EGF: variants seen among roughly 807,000 people sequenced by gnomAD.
The protein encoded by EGF is epidermal growth factor.
A neutral mutation model predicts 143.8 loss-of-function variants in EGF; 95 were observed. The observed-to-expected ratio is 0.66, with a 90% CI of 0.56 to 0.78. EGF has a LOEUF of 0.78. Ranked by LOEUF, EGF falls within the 30% of genes least tolerant of loss-of-function variation. The probability of loss-of-function intolerance (pLI) is 0.00; values close to 1 mark genes in which losing one functional copy is unlikely to be tolerated. For synonymous variants in EGF, 510 were observed against 510.5 expected (o/e 1.00, Z 0.01); for missense variants, 1,320 against 1,470.9 (o/e 0.90, Z 1.68).
chr4:109,945,104 G>C lies in EGF; in HGVS notation c.769G>C (p.Asp257His), dbSNP rs11568911. 9.9e-4 allele frequency: 1,605 copies of C among 1,613,982 alleles called. 12 individuals carry two copies. The African/African-American group carries it at 0.019, about 19-fold the overall frequency. ...TTTGTTTGCAATGTCCCTTTTTGGT[G>C]ACCGTATCTTCTATTCAACATGGAA... ...HNLFAMSLFG[D>H]RIFYSTWKMK... Residue 257 changes from aspartate to histidine, a missense_variant, in exon 5 of 24, where the codon GAC becomes CAC. Physicochemically the swap from Asp to His is moderately conservative, Grantham distance 81. Transcript: ENST00000265171.
At chr4:109,993,407 T>C (rs775217431) in intron 19 of EGF, 38 bp downstream of exon 19, 1 of 1,611,620 alleles carries the variant, frequency 6.2e-7, no homozygotes. Flanking sequence ...GGGGAGGGAC[T>C]TGGCTCGGGG....
At chr4:110,008,346 G>C in intron 23 of EGF, 116 bp downstream of exon 23, 1 of 1,291,344 alleles carries the variant, frequency 7.7e-7, no homozygotes, top group South Asian at 1.3e-5. Flanking sequence ...TAACTAAATT[G>C]TATAAGCTAT....
At chr4:109,976,839 G>T (rs1370635590) in intron 13 of EGF, among the ~76,000 whole-genome samples, 1 of 152,194 alleles carries the variant, frequency 6.6e-6, no homozygotes, top group Non-Finnish European at 1.5e-5. Flanking sequence ...TTATAAGCCT[G>T]CAAAAATTGG....
chr4:109,993,413 C>CG (rs1751319430), intron 19 of EGF, 44 bp downstream of exon 19: 1 of 1,610,514 alleles, frequency 6.2e-7, no homozygotes. Context: ...GGACTTGGCT[C>CG]GGGGATATTC....
At chr4:109,933,044 G>A (rs1579496470) in intron 1 of EGF, among the ~76,000 whole-genome samples, 3 of 152,282 alleles carry the variant, frequency 2.0e-5, no homozygotes, top group South Asian at 2.1e-4. Context: ...AATGGCAAAC[G>A]ATATACATGT....
intron 13 of EGF, among the ~76,000 whole-genome samples, chr4:109,979,615 T>C (rs950063689): frequency 6.6e-6 from 1 of 152,172 alleles, no homozygotes; most frequent in Non-Finnish European, 1.5e-5. Context: ...TAAGATAAGT[T>C]ACTCGAGTTT....
intron 11 of EGF, among the ~76,000 whole-genome samples, chr4:109,971,403 T>A (rs182538650): frequency 2.6e-5 from 4 of 152,340 alleles, no homozygotes; most frequent in Admixed American, 2.0e-4. Flanking sequence ...ATGGTTGTTC[T>A]CAGGAGGGTA....
chr4:109,978,654 T>G (rs11569002), intron 13 of EGF, among the ~76,000 whole-genome samples: 2 of 152,198 alleles, frequency 1.3e-5, no homozygotes, highest in Admixed American at 1.3e-4. Context: ...TTCTGGAGAT[T>G]GGTTGTACAA....
intron 7 of EGF, 88 bp from the exon 8 acceptor site, chr4:109,961,775 G>T (rs1244438530): frequency 2.6e-6 from 4 of 1,562,256 alleles, no homozygotes; most frequent in Non-Finnish European, 2.6e-6. Context: ...AAGGCAGGAG[G>T]ATCACCTGGC....
At chr4:109,999,175 A>C (rs11569094) in intron 20 of EGF, among the ~76,000 whole-genome samples, 3,318 of 152,110 alleles carry the variant, frequency 0.022, 127 homozygotes, top group African/African-American at 0.076. Context: ...AAAGGAAAAA[A>C]GTTTTCTCTG....
At chr4:109,983,364 A>T in intron 15 of EGF, 58 bp from the exon 16 acceptor site, 1 of 1,589,480 alleles carries the variant, frequency 6.3e-7, no homozygotes, top group Non-Finnish European at 8.6e-7. Flanking sequence ...AAATGAAATC[A>T]AACTTTTTTT....
At chr4:109,915,343 C>G (rs1014020677) in intron 1 of EGF, among the ~76,000 whole-genome samples, 2 of 152,188 alleles carry the variant, frequency 1.3e-5, no homozygotes, top group African/African-American at 4.8e-5. Flanking sequence ...CATGAGATAA[C>G]CTAGCATGTA....
chr4:109,995,005 A>G (rs1047813837), intron 20 of EGF, 125 bp downstream of exon 20: 12 of 1,206,314 alleles, frequency 9.9e-6, no homozygotes, highest in African/African-American at 3.0e-5. Context: ...AAAAATATAA[A>G]CATACACATA....
At chr4:109,935,987 G>A (rs1200293085) in intron 1 of EGF, among the ~76,000 whole-genome samples, 2 of 152,146 alleles carry the variant, frequency 1.3e-5, no homozygotes, top group Non-Finnish European at 2.9e-5. Context: ...GTTCATCAGG[G>A]ATATTGGCCT....
chr4:109,933,329 T>G (rs1740135721), intron 1 of EGF, among the ~76,000 whole-genome samples: 1 of 152,220 alleles, frequency 6.6e-6, no homozygotes, highest in East Asian at 1.9e-4. Flanking sequence ...GGAATAATAA[T>G]TTGAGTGAAT....
At chr4:109,997,169 C>T (rs949584277) in intron 20 of EGF, among the ~76,000 whole-genome samples, 5 of 152,080 alleles carry the variant, frequency 3.3e-5, no homozygotes, top group African/African-American at 4.8e-5. Context: ...TGTCTTCTTG[C>T]GCTGAGTCAG....
intron 6 of EGF, among the ~76,000 whole-genome samples, chr4:109,960,208 G>A (rs539312218): frequency 1.3e-4 from 20 of 152,292 alleles, no homozygotes; most frequent in Admixed American, 1.2e-3. Context: ...CAGTCTTGAA[G>A]GTTGAAGAGC....
chr4:109,976,563 A>G (rs985217753), intron 13 of EGF, among the ~76,000 whole-genome samples: 1 of 152,202 alleles, frequency 6.6e-6, no homozygotes, highest in Non-Finnish European at 1.5e-5. Flanking sequence ...CACAACAGTG[A>G]TATTATAGGC....
chr4:109,937,003 G>A (rs777022469), intron 1 of EGF, among the ~76,000 whole-genome samples: 3 of 152,162 alleles, frequency 2.0e-5, no homozygotes, highest in Non-Finnish European at 4.4e-5. Context: ...TGAGAAGAAT[G>A]TGTATTCTGT....
Sources: gnomAD v4.1 joint callset for allele counts (sites outside exome capture counted in the v4.1 genomes callset) on GRCh38, gnomAD v4.1.1 for gene constraint, MANE v1.5 for transcripts, NCBI Gene and HGNC (gene_info 2026-07-23, HGNC 2026-07-21) for gene names.